C4orf50: variants seen among roughly 807,000 people sequenced by gnomAD.
C4orf50 encodes chromosome 4 open reading frame 50.
A neutral mutation model predicts 77.2 loss-of-function variants in C4orf50; 80 were observed. The observed-to-expected ratio is 1.04, with a 90% CI of 0.87 to 1.25. C4orf50 has a LOEUF of 1.25. C4orf50 is among the 50% of genes most tolerant of loss of function. The probability of loss-of-function intolerance (pLI) is 0.00; values close to 1 mark genes in which losing one functional copy is unlikely to be tolerated. For missense variants in C4orf50, 1,257 were observed against 1,152.9 expected (o/e 1.09, Z -1.31); for synonymous variants, 532 against 465.3 (o/e 1.14, Z -1.84).
intron 7 of C4orf50, among the ~76,000 whole-genome samples, chr4:5,912,584 AG>A (rs1716856795): frequency 6.6e-6 from 1 of 152,182 alleles, no homozygotes; most frequent in Non-Finnish European, 1.5e-5. Flanking sequence ...TTGTTTTAAT[AG>A]GGTATGGTAA....
chr4:5,935,323 A>G lies in C4orf50; in HGVS notation c.*2474+21578T>C, dbSNP rs74347163. Among the ~76,000 whole-genome samples the G allele has an allele frequency of 8.6e-3, 1,311 of 152,302 alleles. 20 individuals carry two copies. Among genetic ancestry groups the G allele is most frequent in the African/African-American group, 0.03 (1,238 of 41,566 alleles). ...GGCTACGCCCCCAGTAACAGGGGGA[A>G]TTAGAAGATAGAGAGGAAGTTTGTC... On this transcript the variant is annotated intron_variant, in intron 7 of 7. Coordinates refer to the C4orf50 transcript ENST00000324058.
intron 33 of C4orf50, among the ~76,000 whole-genome samples, chr4:5,963,444 G>C (rs902836549): frequency 2.6e-5 from 4 of 151,822 alleles, no homozygotes; most frequent in African/African-American, 9.7e-5. Context: ...AAAAGTTTAA[G>C]GTCAATAACA....
At chr4:5,935,623 T>C (rs1441014162) in intron 7 of C4orf50, among the ~76,000 whole-genome samples, 1 of 151,486 alleles carries the variant, frequency 6.6e-6, no homozygotes, top group Non-Finnish European at 1.5e-5. Flanking sequence ...CCGTCTGTAC[T>C]AAAAATACAA....
At chr4:5,971,545 G>A (rs1027814089) in intron 31 of C4orf50, among the ~76,000 whole-genome samples, 1 of 152,094 alleles carries the variant, frequency 6.6e-6, no homozygotes, top group Non-Finnish European at 1.5e-5. Flanking sequence ...GCGTGTCCAG[G>A]CCCAGAAGCA....
Position 5,905,581 on chromosome 4 carries a change from G to C in C4orf50, c.*2475-7393C>G, listed in dbSNP as rs897742557. The C allele has an allele frequency of 6.6e-6, 1 of 152,192 alleles. No homozygotes were observed. Among genetic ancestry groups the C allele is most frequent in the Non-Finnish European group, 1.5e-5 (1 of 68,050 alleles). 9.4% of individuals were successfully genotyped at this position (152,192 alleles called of 1,614,324 possible). ...CCCACTTTAAACACCATATGTGGTG[G>C]ACTTATATCATGGAGTATCTATCAT... On this transcript the variant is annotated intron_variant, in intron 7 of 7. Transcript: ENST00000324058. This position sits in a 1 kb window ranked among gnomAD's most constrained non-coding sequence, Gnocchi z 5.4.
rs56876705 is a variant in C4orf50, at chr4:5,919,510, G to C, written c.*2475-21322C>G. On this transcript the variant is annotated intron_variant, in intron 7 of 7. Coordinates refer to the C4orf50 transcript ENST00000324058. This position sits in a 1 kb window ranked among gnomAD's most constrained non-coding sequence, Gnocchi z 6.5. ...CAGAGACTGTGCAGGAGGCCATGTC[G>C]AGGACGTCTCCCAGGAAGGTTTCCC... Among the ~76,000 whole-genome samples, 1,843 of 152,244 alleles carry C rather than the reference G, an allele frequency of 0.012. 22 individuals are homozygous for C. The highest frequency in any genetic ancestry group is 0.04 in the African/African-American group (1,676 of 41,538).
intron 32 of C4orf50, 86 bp downstream of exon 10, chr4:5,967,328 C>T (rs1475697503): frequency 3.9e-6 from 4 of 1,036,366 alleles, no homozygotes; most frequent in Non-Finnish European, 6.1e-6. Flanking sequence ...GTGGGCATCT[C>T]CCCTCTGGCC....
chr4:5,964,767 CAAAAAAAAAAA>C (rs71171498), intron 33 of C4orf50, among the ~76,000 whole-genome samples: 1 of 107,978 alleles, frequency 9.3e-6, no homozygotes. Flanking sequence ...GACTCTGTCT[CAAAAAAAAAAA>C]AAAAAAAAAA....
At chr4:5,966,790 C>T (rs1404679137) in intron 32 of C4orf50, among the ~76,000 whole-genome samples, 2 of 151,844 alleles carry the variant, frequency 1.3e-5, no homozygotes, top group South Asian at 2.1e-4. Flanking sequence ...GCTGGGACTA[C>T]AAGCATGCGC....
chr4:5,927,131 A>T (rs534490453), intron 7 of C4orf50, among the ~76,000 whole-genome samples: 66 of 152,284 alleles, frequency 4.3e-4, no homozygotes, highest in Non-Finnish European at 7.5e-4. Context: ...GTGGCAGAGA[A>T]TGTCTGGCGG....
intron 7 of C4orf50, among the ~76,000 whole-genome samples, chr4:5,943,244 A>C (rs1409780796): frequency 6.6e-6 from 1 of 152,236 alleles, no homozygotes; most frequent in African/African-American, 2.4e-5. Flanking sequence ...AAGTGATCAC[A>C]TCTTTTCTAA....
intron 23 of C4orf50, among the ~76,000 whole-genome samples, chr4:6,016,009 C>A (rs1194786128): frequency 6.6e-6 from 1 of 152,188 alleles, no homozygotes; most frequent in Non-Finnish European, 1.5e-5. Context: ...GGCCTTGCAC[C>A]CTGAGCTGCC....
intron 25 of C4orf50, among the ~76,000 whole-genome samples, chr4:6,004,318 ATCG>A (rs1722110391): frequency 3.9e-5 from 1 of 25,390 alleles, no homozygotes; most frequent in Non-Finnish European, 9.2e-5. Flanking sequence ...TGATGATGTG[ATCG>A]TAATGGTGAT....
chr4:5,968,822 C>T (rs904754546), intron 31 of C4orf50, among the ~76,000 whole-genome samples: 6 of 152,240 alleles, frequency 3.9e-5, no homozygotes, highest in Admixed American at 2.6e-4. Context: ...TGTTCGCCTT[C>T]GTAGAGGATA....
chr4:5,942,152 G>T (rs2108751337), intron 7 of C4orf50, among the ~76,000 whole-genome samples: 1 of 152,206 alleles, frequency 6.6e-6, no homozygotes, highest in African/African-American at 2.4e-5. Context: ...GTGTGGGGTG[G>T]GTTACAAATG....
chr4:5,978,991 C>A (rs980537072), intron 29 of C4orf50, among the ~76,000 whole-genome samples: 2 of 152,256 alleles, frequency 1.3e-5, no homozygotes, highest in South Asian at 4.2e-4. Flanking sequence ...GAAATTATAC[C>A]GTAATGCTGA....
chr4:5,923,681 C>A (rs1001985805), intron 7 of C4orf50, among the ~76,000 whole-genome samples: 8 of 152,224 alleles, frequency 5.3e-5, no homozygotes, highest in Non-Finnish European at 1.0e-4. Context: ...CAGCCCCTCC[C>A]ACAAATTTCC....
chr4:5,949,115 C>T (rs189052682), intron 7 of C4orf50, among the ~76,000 whole-genome samples: 8 of 152,256 alleles, frequency 5.3e-5, no homozygotes, highest in African/African-American at 9.6e-5. Flanking sequence ...CAAGGACAGA[C>T]AGCAGAGGGG....
chr4:6,004,634 G>A, intron 25 of C4orf50, among the ~76,000 whole-genome samples: 1 of 94,650 alleles, frequency 1.1e-5, no homozygotes, highest in East Asian at 3.1e-4. Flanking sequence ...GATGGTGACT[G>A]TGATGGTGAT....
Sources: allele counts gnomAD v4.1 joint callset (sites outside exome capture counted in the v4.1 genomes callset), GRCh38; gene constraint gnomAD v4.1.1; non-coding constraint Gnocchi (gnomAD v3.1); transcripts MANE v1.5; gene names NCBI Gene and HGNC (gene_info 2026-07-23, HGNC 2026-07-21).